TTC28: variants seen among roughly 807,000 people sequenced by gnomAD.
The protein encoded by TTC28 is tetratricopeptide repeat protein 28.
Under a neutral mutation model 198.0 loss-of-function variants are expected in TTC28, and 61 were observed. That is an observed-to-expected ratio of 0.31 (90% CI 0.25 to 0.38). TTC28 has a LOEUF of 0.38. TTC28 is among the 10% of genes least tolerant of loss of function. The pLI, the probability that TTC28 is intolerant of heterozygous loss-of-function variation, is 1.00. For synonymous variants in TTC28, 1,171 were observed against 1,297.8 expected (o/e 0.90, Z 2.10); for missense variants, 2,678 against 3,164.0 (o/e 0.85, Z 3.69).
At chr22:28,209,113 T>C (rs1926667535) in intron 5 of TTC28, among the ~76,000 whole-genome samples, 1 of 152,212 alleles carries the variant, frequency 6.6e-6, no homozygotes, top group Non-Finnish European at 1.5e-5. Flanking sequence ...ACCACTAAAC[T>C]AGCTCAGAGA....
chr22:27,999,527 T>C (rs1601501009), intron 15 of TTC28: 1 of 489,716 alleles, frequency 2.0e-6, no homozygotes, highest in East Asian at 3.7e-5. Flanking sequence ...GGAGGAGGCC[T>C]TGATATGACA....
chr22:28,600,046 T>C (rs376947310), intron 2 of TTC28, among the ~76,000 whole-genome samples: 24 of 152,160 alleles, frequency 1.6e-4, no homozygotes, highest in African/African-American at 5.8e-4. Context: ...ACAACTGCCA[T>C]AGAACCTTCA....
At chr22:28,649,498 A>C (rs1390940351) in intron 1 of TTC28, among the ~76,000 whole-genome samples, 1 of 152,242 alleles carries the variant, frequency 6.6e-6, no homozygotes, top group East Asian at 1.9e-4. Flanking sequence ...TATCACCTGC[A>C]AACTGCATTG....
intron 2 of TTC28, among the ~76,000 whole-genome samples, chr22:28,556,807 G>C (rs1002490700): frequency 2.0e-5 from 3 of 152,198 alleles, no homozygotes; most frequent in African/African-American, 7.2e-5. Flanking sequence ...TTCCAAGGTA[G>C]CTCACTCATG....
rs1021154401 is a variant in TTC28, at chr22:28,233,653, A to C, written c.933+62545T>G. ...CATGTATTGTATTTGTTACAAGAGC[A>C]CAATAAGCCATAACTAATGTGCATA... On this transcript the variant is annotated intron_variant, in intron 5 of 22. Coordinates refer to ENST00000397906, the MANE Select transcript of TTC28 (RefSeq NM_001145418.2). Among the ~76,000 whole-genome samples, 10 of 152,252 alleles carry C rather than the reference A, an allele frequency of 6.6e-5. No homozygotes were observed. The South Asian group carries it at 1.7e-3, about 25-fold the overall frequency.
chr22:28,385,224 ATTTTCTT>A (rs985063064), intron 2 of TTC28, among the ~76,000 whole-genome samples: 2 of 148,910 alleles, frequency 1.3e-5, no homozygotes, highest in Non-Finnish European at 3.0e-5. Flanking sequence ...ATTATTTGCA[ATTTTCTT>A]TTTTCTTTTT....
chr22:28,302,001 A>C (rs2045037629), intron 3 of TTC28, among the ~76,000 whole-genome samples: 1 of 151,860 alleles, frequency 6.6e-6, no homozygotes, highest in African/African-American at 2.4e-5. Flanking sequence ...CCATGCCACT[A>C]TACTCCAGCT....
At chr22:28,158,712 C>T (rs1849266849) in intron 6 of TTC28, among the ~76,000 whole-genome samples, 2 of 152,142 alleles carry the variant, frequency 1.3e-5, no homozygotes. Flanking sequence ...TATCCATATG[C>T]AGAAGAATGA....
chr22:28,006,715 A>T (rs1937942195), intron 14 of TTC28: 1 of 152,048 alleles, frequency 6.6e-6, no homozygotes. Context: ...CTCCCAGGCA[A>T]CCCCCAATGG....
chr22:28,537,951 C>G (rs2049331535), intron 2 of TTC28, among the ~76,000 whole-genome samples: 1 of 151,000 alleles, frequency 6.6e-6, no homozygotes, highest in Non-Finnish European at 1.5e-5. Flanking sequence ...GGTAATATAG[C>G]AAGACACCAT....
At chr22:28,066,718 G>A (rs1309321253) in intron 12 of TTC28, among the ~76,000 whole-genome samples, 1 of 152,148 alleles carries the variant, frequency 6.6e-6, no homozygotes. Context: ...TGGGACCATG[G>A]GGTCTTTCTC....
Position 28,289,671 on chromosome 22 carries a change from C to T in TTC28, c.933+6527G>A, listed in dbSNP as rs377294382. ...TATGATCACACTTGTGAATAGCCAC[C>T]GCACTACAGCCTGAGCAATGTAGCA... On this transcript the variant is annotated intron_variant, in intron 5 of 22. Transcript: ENST00000397906. 1.4e-4 allele frequency among the ~76,000 whole-genome samples: 21 copies of T among 152,162 alleles called. No homozygotes were observed. The East Asian group carries it at 3.7e-3, about 27-fold the overall frequency.
intron 2 of TTC28, among the ~76,000 whole-genome samples, chr22:28,584,711 T>C (rs1232014134): frequency 6.6e-6 from 1 of 152,242 alleles, no homozygotes; most frequent in Non-Finnish European, 1.5e-5. Context: ...CTTTTATTCC[T>C]ACCAGAAATT....
chr22:28,293,089 T>C (rs1021951473), intron 5 of TTC28, among the ~76,000 whole-genome samples: 35 of 152,220 alleles, frequency 2.3e-4, no homozygotes, highest in African/African-American at 7.7e-4. Flanking sequence ...GGGATAAAGA[T>C]TTCCAGTAAA....
intron 2 of TTC28, among the ~76,000 whole-genome samples, chr22:28,404,340 G>A (rs1340529780): frequency 6.6e-6 from 1 of 152,044 alleles, no homozygotes; most frequent in East Asian, 1.9e-4. Context: ...GGATGGTCTC[G>A]ATCTCCTGAC....
chr22:28,504,684 C>CG (rs1221730455), intron 2 of TTC28, among the ~76,000 whole-genome samples: 22 of 152,104 alleles, frequency 1.4e-4, no homozygotes, highest in African/African-American at 4.6e-4. Flanking sequence ...TTCTGATGCC[C>CG]GACTCACATT....
rs1375279487 is a variant in TTC28 at position 28,583,162 on chromosome 22, C to T, written c.381+46390G>A. Reference sequence around the variant, plus strand: ...AACCACCTCTTCTCCCTTTCTTCCTCTACAGCATTTCAGTATTTTTCTCAT... The same window carrying T: ...AACCACCTCTTCTCCCTTTCTTCCTTTACAGCATTTCAGTATTTTTCTCAT... On this transcript the variant is annotated intron_variant, in intron 2 of 22. Coordinates refer to ENST00000397906, the MANE Select transcript of TTC28 (RefSeq NM_001145418.2). 2.6e-5 allele frequency among the ~76,000 whole-genome samples: 4 copies of T among 152,100 alleles called. 1 individual carries two copies. The highest frequency in any genetic ancestry group is 5.9e-5 in the Non-Finnish European group (4 of 68,014).
At chr22:28,427,571 T>C in intron 2 of TTC28, among the ~76,000 whole-genome samples, 1 of 152,192 alleles carries the variant, frequency 6.6e-6, no homozygotes, top group East Asian at 1.9e-4. Flanking sequence ...GGAGAATCGC[T>C]GAACCGAGGA....
intron 2 of TTC28, among the ~76,000 whole-genome samples, chr22:28,626,106 G>A (rs555125486): frequency 1.3e-4 from 20 of 152,132 alleles, no homozygotes; most frequent in Non-Finnish European, 2.5e-4. Flanking sequence ...TAACCTTGGC[G>A]AAGACAAAGG....
Sources: allele counts gnomAD v4.1 joint callset (sites outside exome capture counted in the v4.1 genomes callset), GRCh38; gene constraint gnomAD v4.1.1; transcripts MANE v1.5; gene names NCBI Gene and HGNC (gene_info 2026-07-23, HGNC 2026-07-21).